The following IQCM variants were observed in gnomAD, a reference collection of about 807,000 sequenced individuals.
IQCM encodes the protein IQ domain-containing protein M.
Under a neutral mutation model 57.6 loss-of-function variants are expected in IQCM, and 45 were observed. The observed-to-expected ratio is 0.78, with a 90% CI of 0.62 to 1.00. IQCM has a LOEUF of 1.00. Among genes scored for constraint, IQCM ranks in the 50% least tolerant of loss-of-function variants. The probability of loss-of-function intolerance (pLI) is 0.00; values close to 1 mark genes in which losing one functional copy is unlikely to be tolerated. For missense variants in IQCM, 468 were observed against 511.6 expected, an observed-to-expected ratio of 0.91 and a Z score of 0.82; for synonymous variants, 148 against 158.9, an observed-to-expected ratio of 0.93 and a Z score of 0.51.
At chr4:149,589,958 G>T (rs1374173755) in intron 8 of IQCM, among the ~76,000 whole-genome samples, 1 of 151,840 alleles carries the variant, frequency 6.6e-6, no homozygotes, top group Non-Finnish European at 1.5e-5. Context: ...CACTTGGATT[G>T]GGACACACTG....
chr4:149,531,514 C>T lies in IQCM; in HGVS notation c.1228+16941G>A, dbSNP rs113862161. ...GCAACTTCCTTCTCTTTCTCCTTCC[C>T]TTCTTTCCTTCAACAAATATTTATC... On this transcript the variant is annotated intron_variant, in intron 12 of 13. Transcript: ENST00000636793. Among the ~76,000 whole-genome samples, 675 of 151,962 alleles carry T rather than the reference C, an allele frequency of 4.4e-3. 5 individuals carry two copies. Among genetic ancestry groups the T allele is most frequent in the African/African-American group, 0.015 (624 of 41,462 alleles).
intron 13 of IQCM, among the ~76,000 whole-genome samples, chr4:149,361,834 G>T (rs1729513355): frequency 6.6e-6 from 1 of 152,196 alleles, no homozygotes; most frequent in East Asian, 1.9e-4. Context: ...CAGGAGAGCT[G>T]TGAGAAGAGG....
chr4:149,629,127 C>T (rs1342454927), intron 7 of IQCM, among the ~76,000 whole-genome samples: 1 of 152,188 alleles, frequency 6.6e-6, no homozygotes, highest in Non-Finnish European at 1.5e-5. Flanking sequence ...CTCATAGGAT[C>T]AGGTGTAGTT....
chr4:149,722,034 C>A (rs527906415), intron 5 of IQCM, among the ~76,000 whole-genome samples: 1 of 152,170 alleles, frequency 6.6e-6, no homozygotes, highest in African/African-American at 2.4e-5. Context: ...TTGCATTTCC[C>A]TGATGATTAG....
chr4:149,459,623 G>GC (rs1325321785), intron 12 of IQCM, among the ~76,000 whole-genome samples: 1 of 152,014 alleles, frequency 6.6e-6, no homozygotes, highest in Non-Finnish European at 1.5e-5. Flanking sequence ...TCCTCCCCCA[G>GC]CCCCTGGCAA....
chr4:149,759,188 A>T (rs533024900), intron 2 of IQCM, among the ~76,000 whole-genome samples: 2 of 152,328 alleles, frequency 1.3e-5, no homozygotes, highest in East Asian at 3.9e-4. Context: ...ATATAATTTC[A>T]ACTATATGAT....
Position 149,809,727 on chromosome 4 carries a change from T to C in IQCM, c.-49+5584A>G, listed in dbSNP as rs530805058. ...ACATCTAACTCATGTAATCACCAAA[T>C]GATGCATGAGAGGCATTACTTACGG... On this transcript the variant is annotated intron_variant, in intron 2 of 13. Transcript: ENST00000636793. Among the ~76,000 whole-genome samples, 16 of 152,296 alleles carry C rather than the reference T, an allele frequency of 1.1e-4. No homozygotes were observed. The East Asian group carries it at 3.1e-3, about 29-fold the overall frequency.
rs76344742 is a variant in IQCM at position 149,557,480 on chromosome 4, A to G, written c.949-4193T>C. Among the ~76,000 whole-genome samples the G allele has an allele frequency of 1.3e-3, 205 of 152,236 alleles. 1 individual carries two copies. The highest frequency in any genetic ancestry group is 4.5e-3 in the African/African-American group (187 of 41,544). On this transcript the variant is annotated intron_variant, in intron 10 of 13. Transcript: ENST00000636793. ...CTCCAATTCTTGATCACCAACCTCA[A>G]TGGGGTTCTCAAAGTGGCCTGGAAT... is the stretch of plus-strand genomic sequence containing the variant.
intron 2 of IQCM, among the ~76,000 whole-genome samples, chr4:149,789,282 T>G (rs1187885484): frequency 6.6e-6 from 1 of 152,116 alleles, no homozygotes; most frequent in East Asian, 1.9e-4. Flanking sequence ...TTTAAAATAT[T>G]ATATATCAAA....
intron 12 of IQCM, among the ~76,000 whole-genome samples, chr4:149,472,474 A>G (rs990936961): frequency 2.0e-5 from 3 of 152,192 alleles, no homozygotes; most frequent in Non-Finnish European, 2.9e-5. Flanking sequence ...ATAAAAGAGG[A>G]CACAAACAAA....
At chr4:149,430,162 T>C (rs1311607859) in intron 13 of IQCM, 1 of 455,218 alleles carries the variant, frequency 2.2e-6, no homozygotes, top group Admixed American at 4.5e-5. Context: ...ATTATAGAAC[T>C]GAGCACTTAA....
intron 10 of IQCM, among the ~76,000 whole-genome samples, chr4:149,561,972 G>T (rs961337412): frequency 2.0e-5 from 3 of 152,116 alleles, no homozygotes; most frequent in Admixed American, 6.5e-5. Context: ...GATAAGGAAG[G>T]CAGAGGAGAG....
At chr4:149,511,527 CTAAATAAA>C (rs3056265) in intron 12 of IQCM, among the ~76,000 whole-genome samples, 5,400 of 141,798 alleles carry the variant, frequency 0.038, 164 homozygotes, top group East Asian at 0.18. Flanking sequence ...GACCCTGTCT[CTAAATAAA>C]TAAATAAATA....
Position 149,783,072 on chromosome 4 carries a change from A to C in IQCM, c.-49+32239T>G, listed in dbSNP as rs1580286774. 2.6e-5 allele frequency among the ~76,000 whole-genome samples: 4 copies of C among 152,142 alleles called. No individual in the cohort carries two copies. In the South Asian group the frequency reaches 8.3e-4, roughly 31 times the overall value. On this transcript the variant is annotated intron_variant, in intron 2 of 13. Transcript: ENST00000636793. ...CTTGTCTGATGGTTCTTAAATGTAT[A>C]TCTATAGTACAGAACTCTCCCCTGT...
chr4:149,379,230 C>T (rs903676508), intron 13 of IQCM, among the ~76,000 whole-genome samples: 1 of 152,206 alleles, frequency 6.6e-6, no homozygotes, highest in Admixed American at 6.5e-5. Flanking sequence ...GTGGGGTGGG[C>T]ACCCCCACAC....
At chr4:149,384,428 G>C (rs1284673986) in intron 13 of IQCM, among the ~76,000 whole-genome samples, 1 of 152,046 alleles carries the variant, frequency 6.6e-6, no homozygotes, top group Non-Finnish European at 1.5e-5. Context: ...TCGAGAAAAA[G>C]AGACAATTCT....
intron 12 of IQCM, among the ~76,000 whole-genome samples, chr4:149,467,544 C>A (rs1359167598): frequency 6.6e-5 from 10 of 152,148 alleles, no homozygotes; most frequent in Admixed American, 6.5e-4. Flanking sequence ...GGAAACATGA[C>A]ATACTTAATA....
chr4:149,583,588 C>T (rs1229729565), intron 9 of IQCM, among the ~76,000 whole-genome samples: 1 of 151,482 alleles, frequency 6.6e-6, no homozygotes, highest in Non-Finnish European at 1.5e-5. Flanking sequence ...CAAAAAAATA[C>T]ATCAAAAGAG....
intron 13 of IQCM, among the ~76,000 whole-genome samples, chr4:149,389,126 T>C (rs1049518490): frequency 5.3e-5 from 8 of 151,984 alleles, no homozygotes; most frequent in Admixed American, 1.3e-4. Flanking sequence ...TTCACCCTTA[T>C]GGTTATGCAT....
Sources: gnomAD v4.1 joint callset for allele counts (sites outside exome capture counted in the v4.1 genomes callset) on GRCh38, gnomAD v4.1.1 for gene constraint, MANE v1.5 for transcripts, NCBI Gene and HGNC (gene_info 2026-07-23, HGNC 2026-07-21) for gene names.